TNR: variants seen among roughly 807,000 people sequenced by gnomAD.
TNR encodes the protein tenascin-R.
Under a neutral mutation model 150.4 loss-of-function variants are expected in TNR, and 45 were observed. The ratio of observed to expected loss-of-function variants is 0.30; its 90% CI spans 0.24 to 0.38. TNR has a LOEUF of 0.38. Ranked by LOEUF, TNR falls within the 10% of genes least tolerant of loss-of-function variation. The pLI is 1.00. For synonymous variants in TNR, 687 were observed against 678.4 expected (o/e 1.01, Z -0.20); for missense variants, 1,544 against 1,759.1 (o/e 0.88, Z 2.19).
Position 175,468,690 on chromosome 1 carries a change from G to T in TNR, c.-64+59579C>A, listed in dbSNP as rs564758305. Among the ~76,000 whole-genome samples, 11 of 152,298 alleles carry T rather than the reference G, an allele frequency of 7.2e-5. No homozygotes were observed. The South Asian group carries it at 1.7e-3, about 23-fold the overall frequency. ...TGGAAGAGGCATTCTAGGTAGGAGGGTCTGCACCATCAAAGACGTGATGGT... is the reference window on the plus strand; with the variant it reads ...TGGAAGAGGCATTCTAGGTAGGAGGTTCTGCACCATCAAAGACGTGATGGT... On this transcript the variant is annotated intron_variant, in intron 2 of 22. Transcript: ENST00000367674.
intron 1 of TNR, among the ~76,000 whole-genome samples, chr1:175,623,814 C>T (rs548411169): frequency 6.6e-6 from 1 of 152,326 alleles, no homozygotes; most frequent in East Asian, 1.9e-4. Context: ...GTCCTATCCC[C>T]CCATACTACA....
intron 2 of TNR, among the ~76,000 whole-genome samples, chr1:175,414,791 G>A (rs907116470): frequency 1.3e-5 from 2 of 152,186 alleles, no homozygotes; most frequent in Admixed American, 6.5e-5. Flanking sequence ...TGACTTTTGA[G>A]GGACTGGGAG....
chr1:175,428,665 C>T (rs557286315), intron 2 of TNR, among the ~76,000 whole-genome samples: 2 of 152,046 alleles, frequency 1.3e-5, no homozygotes, highest in Non-Finnish European at 2.9e-5. Context: ...TATATGTTGG[C>T]CATATAACAT....
At chr1:175,591,193 T>C (rs16848729) in intron 1 of TNR, among the ~76,000 whole-genome samples, 21,002 of 152,186 alleles carry the variant, frequency 0.14, 1,954 homozygotes, top group African/African-American at 0.26. Context: ...CTCCTCTGTA[T>C]GAATGCAGAC....
intron 1 of TNR, among the ~76,000 whole-genome samples, chr1:175,635,142 T>C (rs1664456071): frequency 1.3e-5 from 2 of 152,196 alleles, no homozygotes; most frequent in Admixed American, 1.3e-4. Context: ...GCTAAAGCCA[T>C]GTGTGAGGGT....
At chr1:175,488,132 G>T (rs1397637805) in intron 2 of TNR, among the ~76,000 whole-genome samples, 1 of 152,196 alleles carries the variant, frequency 6.6e-6, no homozygotes, top group Non-Finnish European at 1.5e-5. Flanking sequence ...GAGGCAGATT[G>T]ATTTTTAAAA....
At chr1:175,342,323 A>G (rs1201666848) in intron 18 of TNR, among the ~76,000 whole-genome samples, 1 of 152,218 alleles carries the variant, frequency 6.6e-6, no homozygotes, top group Non-Finnish European at 1.5e-5. Context: ...TCAGAAAGTT[A>G]CTTTAGGAAC....
intron 1 of TNR, among the ~76,000 whole-genome samples, chr1:175,625,314 G>T (rs751598725): frequency 2.6e-5 from 4 of 152,138 alleles, no homozygotes; most frequent in Non-Finnish European, 4.4e-5. Context: ...TATCATGAAC[G>T]CAAAGACTGT....
chr1:175,676,754 C>T (rs192123677), intron 1 of TNR, among the ~76,000 whole-genome samples: 3 of 152,314 alleles, frequency 2.0e-5, no homozygotes, highest in Admixed American at 6.5e-5. Flanking sequence ...TTACTATTCT[C>T]AGAAGCTTTC....
At chr1:175,674,930 T>C (rs1400500435) in intron 1 of TNR, among the ~76,000 whole-genome samples, 1 of 152,032 alleles carries the variant, frequency 6.6e-6, no homozygotes, top group Non-Finnish European at 1.5e-5. Flanking sequence ...TAATTAAGAA[T>C]GTGACTAATC....
chr1:175,737,165 C>T (rs924562541), intron 1 of TNR, among the ~76,000 whole-genome samples: 20 of 152,340 alleles, frequency 1.3e-4, no homozygotes, highest in African/African-American at 4.3e-4. Flanking sequence ...CCTCTCTGAA[C>T]CCCTCAAGAG....
At chr1:175,636,199 A>C (rs1256731241) in intron 1 of TNR, among the ~76,000 whole-genome samples, 3 of 152,194 alleles carry the variant, frequency 2.0e-5, no homozygotes. Flanking sequence ...CTGAACTGAC[A>C]TCCAGCTGTC....
At chr1:175,470,758 C>T (rs1657251772) in intron 2 of TNR, among the ~76,000 whole-genome samples, 1 of 152,220 alleles carries the variant, frequency 6.6e-6, no homozygotes, top group African/African-American at 2.4e-5. Context: ...TTCCAGCCCT[C>T]CCTTGAACAG....
intron 1 of TNR, among the ~76,000 whole-genome samples, chr1:175,634,151 G>A (rs1202889873): frequency 6.6e-6 from 1 of 152,168 alleles, no homozygotes; most frequent in Non-Finnish European, 1.5e-5. Flanking sequence ...TTTGAAAAAC[G>A]TTTGCTGTTT....
At chr1:175,462,013 T>G (rs1656842360) in intron 2 of TNR, among the ~76,000 whole-genome samples, 1 of 152,228 alleles carries the variant, frequency 6.6e-6, no homozygotes, top group Non-Finnish European at 1.5e-5. Flanking sequence ...GGATGTAATA[T>G]GCCTATAATG....
At chr1:175,542,194 A>C (rs1374541532) in intron 1 of TNR, among the ~76,000 whole-genome samples, 1 of 152,172 alleles carries the variant, frequency 6.6e-6, no homozygotes, top group Non-Finnish European at 1.5e-5. Flanking sequence ...GAAATAAAAG[A>C]ATTCTTCCAA....
At chr1:175,412,016 G>A (rs898402261) in intron 2 of TNR, among the ~76,000 whole-genome samples, 3 of 152,114 alleles carry the variant, frequency 2.0e-5, no homozygotes, top group Admixed American at 6.6e-5. Context: ...TCAGAATGGG[G>A]CATCAGTCAA....
rs192135438 is a variant in TNR at position 175,633,928 on chromosome 1, C to A, written c.-164-105559G>T. On this transcript the variant is annotated intron_variant, in intron 1 of 22. Coordinates refer to ENST00000367674, the MANE Select transcript of TNR (RefSeq NM_003285.3). ...AAGAGTCAGACAAACCCAAGTTCAG[C>A]CCAGCACTGGCAGTTACTAGATGAG... is the stretch of plus-strand genomic sequence containing the variant. Among the ~76,000 whole-genome samples the A allele has an allele frequency of 2.7e-3, 415 of 152,172 alleles. 1 individual carries two copies. The highest frequency in any genetic ancestry group is 4.7e-3 in the Non-Finnish European group (322 of 68,010).
chr1:175,730,171 C>T (rs957581066), intron 1 of TNR, among the ~76,000 whole-genome samples: 6 of 152,192 alleles, frequency 3.9e-5, no homozygotes, highest in Non-Finnish European at 5.9e-5. Flanking sequence ...TCACGTTTCT[C>T]GGTTACCTTC....
Sources: allele counts gnomAD v4.1 joint callset (sites outside exome capture counted in the v4.1 genomes callset), GRCh38; gene constraint gnomAD v4.1.1; transcripts MANE v1.5; gene names NCBI Gene and HGNC (gene_info 2026-07-23, HGNC 2026-07-21).